CASS4: variants seen among roughly 807,000 people sequenced by gnomAD.
The protein encoded by CASS4 is Cas scaffold protein family member 4.
In CASS4, 22 loss-of-function variants were observed where a neutral mutation model predicts 54.2. That is an observed-to-expected ratio of 0.41 (90% CI 0.29 to 0.58). The LOEUF is 0.58. Among genes scored for constraint, CASS4 ranks in the 20% least tolerant of loss-of-function variants. The pLI is 0.36. For synonymous variants in CASS4, 409 were observed against 391.5 expected (o/e 1.04, Z -0.53); for missense variants, 854 against 986.7 (o/e 0.87, Z 1.80).
At chr20:56,424,569 C>T (rs1253978030) in intron 1 of CASS4, among the ~76,000 whole-genome samples, 1 of 151,694 alleles carries the variant, frequency 6.6e-6, no homozygotes, top group African/African-American at 2.4e-5. Context: ...GGGGAAACCC[C>T]GTCTCTACTA....
chr20:56,440,584 G>A (rs894951276), intron 2 of CASS4, among the ~76,000 whole-genome samples: 1 of 152,146 alleles, frequency 6.6e-6, no homozygotes, highest in African/African-American at 2.4e-5. Flanking sequence ...GTAAATACCT[G>A]TTGCATGAAT....
At chr20:56,429,489 C>G (rs1296921063) in intron 1 of CASS4, among the ~76,000 whole-genome samples, 4 of 152,164 alleles carry the variant, frequency 2.6e-5, no homozygotes, top group Non-Finnish European at 5.9e-5. Context: ...CCATTTTCCA[C>G]CCAGTAACCA....
At chr20:56,445,443 T>C (rs1980657584) in intron 2 of CASS4, among the ~76,000 whole-genome samples, 1 of 151,762 alleles carries the variant, frequency 6.6e-6, no homozygotes. Flanking sequence ...AAGTCCCCTC[T>C]GCCTATTGCG....
intron 2 of CASS4, among the ~76,000 whole-genome samples, chr20:56,439,541 T>A (rs1163418164): frequency 2.0e-5 from 3 of 151,798 alleles, no homozygotes; most frequent in South Asian, 4.2e-4. Flanking sequence ...GCAGGCGTGG[T>A]GGCAGGCACC....
At chr20:56,451,304 G>A (rs540028394) in intron 4 of CASS4, among the ~76,000 whole-genome samples, 12 of 152,334 alleles carry the variant, frequency 7.9e-5, no homozygotes, top group African/African-American at 2.9e-4. Context: ...GGGGCGTGCT[G>A]TGATACAGTA....
chr20:56,421,815 C>T (rs1242799879), intron 1 of CASS4, among the ~76,000 whole-genome samples: 1 of 151,422 alleles, frequency 6.6e-6, no homozygotes, highest in Non-Finnish European at 1.5e-5. Flanking sequence ...TATGCCTTTC[C>T]TCACTTTTTT....
chr20:56,446,143 G>A, intron 3 of CASS4, 142 bp downstream of exon 3: 2 of 571,440 alleles, frequency 3.5e-6, no homozygotes, highest in Non-Finnish European at 6.2e-6. Flanking sequence ...CCACTCAGAG[G>A]CCAACTTCAT....
At chr20:56,443,109 C>T (rs554806953) in intron 2 of CASS4, among the ~76,000 whole-genome samples, 1 of 135,636 alleles carries the variant, frequency 7.4e-6, no homozygotes, top group African/African-American at 2.6e-5. Flanking sequence ...GTACCACTGG[C>T]GGTACAGCCA....
rs146123258 is a variant in CASS4, at chr20:56,424,163, C to G, written c.36+11669C>G. ...GATGCAAGAAACTACTTAGCTATCA[C>G]CTCATTAAAAGAATTCAAAATATTT... On this transcript the variant is annotated intron_variant, in intron 1 of 5. Transcript: ENST00000679887. Among the ~76,000 whole-genome samples the G allele has an allele frequency of 3.2e-3, 482 of 152,268 alleles. 4 individuals carry two copies. Among genetic ancestry groups the G allele is most frequent in the African/African-American group, 0.011 (456 of 41,540 alleles).
chr20:56,457,850 G>A (rs1035395642), intron 5 of CASS4, among the ~76,000 whole-genome samples: 14 of 151,776 alleles, frequency 9.2e-5, no homozygotes, highest in African/African-American at 3.1e-4. Flanking sequence ...CCCCATTTCT[G>A]CTAAAAATAC....
chr20:56,429,435 T>C (rs968814273), intron 1 of CASS4, among the ~76,000 whole-genome samples: 1 of 152,080 alleles, frequency 6.6e-6, no homozygotes, highest in Non-Finnish European at 1.5e-5. Flanking sequence ...GACCAGACAA[T>C]TGACTTTGAA....
intron 5 of CASS4, among the ~76,000 whole-genome samples, chr20:56,456,388 T>C (rs2146300540): frequency 6.6e-6 from 1 of 152,034 alleles, no homozygotes; most frequent in South Asian, 2.1e-4. Flanking sequence ...TTCTTTTTTT[T>C]TTTGAGACGA....
At chr20:56,448,394 T>C (rs1980829915) in intron 3 of CASS4, among the ~76,000 whole-genome samples, 1 of 152,216 alleles carries the variant, frequency 6.6e-6, no homozygotes, top group African/African-American at 2.4e-5. Flanking sequence ...CCCCTGGTCC[T>C]GACCCTGAGA....
Position 56,412,474 on chromosome 20 carries a change from A to G in CASS4, c.16A>G (p.Ile6Val), listed in dbSNP as rs138191448. MKGTG[I>V]MDCAPKALLA... ...CATCACCGACATGAAGGGAACAGGC[A>G]TCATGGACTGTGCGCCCAAGGTGAG... Residue 6 changes from isoleucine to valine, a missense_variant, in exon 1 of 6, where the codon ATC becomes GTC. Transcript: ENST00000679887. The surrounding 1 kb of genome is among the most constrained non-coding windows in gnomAD (Gnocchi z 4.2). 2.0e-4 allele frequency: 321 copies of G among 1,612,906 alleles called. No homozygotes were observed. The highest frequency in any genetic ancestry group is 1.1e-3 in the African/African-American group (81 of 75,030).
At chr20:56,454,192 C>CA (rs1393282092) in intron 5 of CASS4, among the ~76,000 whole-genome samples, 123 of 151,560 alleles carry the variant, frequency 8.1e-4, no homozygotes, top group African/African-American at 2.8e-3. Flanking sequence ...AGAACAACAA[C>CA]AACAAAAAAA....
intron 5 of CASS4, among the ~76,000 whole-genome samples, chr20:56,457,513 A>T (rs1981356064): frequency 6.6e-6 from 1 of 152,210 alleles, no homozygotes. Context: ...TTATTAGCAA[A>T]TATGATAAAT....
At chr20:56,440,315 GAAC>G (rs1203439582) in intron 2 of CASS4, among the ~76,000 whole-genome samples, 10 of 152,144 alleles carry the variant, frequency 6.6e-5, no homozygotes, top group Non-Finnish European at 7.4e-5. Flanking sequence ...TTTCTTCTAA[GAAC>G]AACAAGTGAC....
Position 56,437,474 on chromosome 20 carries a change from TGAG to T in CASS4, c.351_353del (p.Arg117del). On this transcript the variant is annotated inframe_deletion, in exon 2 of 6. Transcript: ENST00000679887. The surrounding 1 kb of genome is among the most constrained non-coding windows in gnomAD (Gnocchi z 4.7). The stretch of plus-strand genomic sequence containing the variant: ...ACTCCAGGCCCCGTTTATGAGCAGA[TGAG>T]GAGTTGGGCGGAGGGGCCCCAGCCC... 6.2e-7 allele frequency: 1 copy of T among 1,612,964 alleles called. No individual in the cohort carries two copies. The highest frequency in any genetic ancestry group is 8.5e-7 in the Non-Finnish European group (1 of 1,179,482).
rs1186726973 is a variant in CASS4, at chr20:56,437,777, C to T, written c.459+191C>T. ...AACTCAGCGGCCTCCACCCCCTTGT[C>T]GTTGACACCCTTGGCGCCACTGTGA... On this transcript the variant is annotated intron_variant, in intron 2 of 5. Coordinates refer to ENST00000679887, the MANE Select transcript of CASS4 (RefSeq NM_020356.4). The surrounding 1 kb of genome is among the most constrained non-coding windows in gnomAD (Gnocchi z 4.7). Among the ~76,000 whole-genome samples the T allele has an allele frequency of 6.6e-6, 1 of 152,152 alleles. No homozygotes were observed. The highest frequency in any genetic ancestry group is 1.5e-5 in the Non-Finnish European group (1 of 68,036).
Sources: gnomAD v4.1 joint callset for allele counts (sites outside exome capture counted in the v4.1 genomes callset) on GRCh38, gnomAD v4.1.1 for gene constraint, Gnocchi (gnomAD v3.1) non-coding constraint, MANE v1.5 for transcripts, NCBI Gene and HGNC (gene_info 2026-07-23, HGNC 2026-07-21) for gene names.